PIGN: variants seen among roughly 807,000 people sequenced by gnomAD.
PIGN encodes phosphatidylinositol glycan anchor biosynthesis class N, also known as GPI ethanolamine phosphate transferase 1.
A neutral mutation model predicts 125.4 loss-of-function variants in PIGN; 117 were observed. The observed-to-expected ratio is 0.93, with a 90% CI of 0.80 to 1.09. The LOEUF is 1.09. Ranked by LOEUF, PIGN falls within the 50% of genes least tolerant of loss-of-function variation. The pLI is 0.00. For missense variants in PIGN, 1,075 were observed against 1,094.9 expected, an observed-to-expected ratio of 0.98 and a Z score of 0.26; for synonymous variants, 392 against 377.8, an observed-to-expected ratio of 1.04 and a Z score of -0.44.
intron 4 of PIGN, among the ~76,000 whole-genome samples, chr18:62,159,537 A>G (rs1461536444): frequency 1.3e-5 from 2 of 152,290 alleles, no homozygotes; most frequent in South Asian, 2.1e-4. Flanking sequence ...TTTGTTACAG[A>G]TTTTTGTGTA....
chr18:62,054,591 C>T (rs2031584603), intron 30 of PIGN, among the ~76,000 whole-genome samples: 1 of 148,298 alleles, frequency 6.7e-6, no homozygotes, highest in South Asian at 2.1e-4. Flanking sequence ...TCCCTGGGCT[C>T]AGGTGATCCT....
At chr18:62,115,940 TC>T (rs1334457745) in intron 14 of PIGN, among the ~76,000 whole-genome samples, 5 of 151,940 alleles carry the variant, frequency 3.3e-5, no homozygotes, top group African/African-American at 1.2e-4. Flanking sequence ...AAGCAAGACC[TC>T]ATTTCTACAA....
At chr18:62,117,183 C>T (rs1386333600) in intron 14 of PIGN, among the ~76,000 whole-genome samples, 2 of 152,088 alleles carry the variant, frequency 1.3e-5, no homozygotes, top group Non-Finnish European at 2.9e-5. Flanking sequence ...CTCTCATACA[C>T]TTGTCCCCAA....
chr18:62,113,916 A>G (rs1482793979), intron 15 of PIGN, among the ~76,000 whole-genome samples: 5 of 152,226 alleles, frequency 3.3e-5, no homozygotes, highest in African/African-American at 1.2e-4. Flanking sequence ...CAAAATTTCA[A>G]CATGAATCAT....
chr18:62,114,859 A>G (rs772952242), intron 14 of PIGN, among the ~76,000 whole-genome samples: 6 of 152,226 alleles, frequency 3.9e-5, no homozygotes, highest in Non-Finnish European at 8.8e-5. Context: ...TCAAATGCCA[A>G]ACTACACTTA....
At chr18:62,115,377 A>G (rs988025169) in intron 14 of PIGN, among the ~76,000 whole-genome samples, 1 of 152,250 alleles carries the variant, frequency 6.6e-6, no homozygotes. Flanking sequence ...AAATCTATAT[A>G]TTTAAATTCA....
Position 62,107,938 on chromosome 18 carries a change from C to G in PIGN, c.1575-853G>C, listed in dbSNP as rs537317924. On this transcript the variant is annotated intron_variant, in intron 17 of 30. Coordinates refer to ENST00000640252, the MANE Select transcript of PIGN (RefSeq NM_176787.5). ...TAACGGTAATCAAGTGAACTCATAA[C>G]CATCAAAAATGTATTACATACTTGA... Among the ~76,000 whole-genome samples the G allele has an allele frequency of 2.0e-5, 3 of 152,174 alleles. No individual in the cohort carries two copies. The South Asian group carries it at 6.2e-4, about 32-fold the overall frequency.
At chr18:62,151,993 T>A (rs191000889) in intron 7 of PIGN, among the ~76,000 whole-genome samples, 132 of 152,288 alleles carry the variant, frequency 8.7e-4, no homozygotes, top group Admixed American at 3.1e-3. Flanking sequence ...TGAGAATATT[T>A]GCTCAAGGTG....
chr18:62,169,478 T>A (rs1197629758), intron 1 of PIGN, among the ~76,000 whole-genome samples: 2 of 152,160 alleles, frequency 1.3e-5, no homozygotes, highest in South Asian at 2.1e-4. Flanking sequence ...TTATTATTTT[T>A]TTTTTGAAAC....
intron 10 of PIGN, among the ~76,000 whole-genome samples, chr18:62,145,211 C>T (rs1568226134): frequency 6.6e-6 from 1 of 152,190 alleles, no homozygotes. Context: ...CCACTAGCTT[C>T]TTTTTCTTTC....
intron 10 of PIGN, among the ~76,000 whole-genome samples, chr18:62,145,616 C>T (rs1440044139): frequency 6.6e-6 from 1 of 152,110 alleles, no homozygotes; most frequent in Non-Finnish European, 1.5e-5. Flanking sequence ...ATTTACTCTA[C>T]CTCACATTCA....
chr18:62,172,843 A>G (rs2037386699), intron 1 of PIGN, among the ~76,000 whole-genome samples: 2 of 152,328 alleles, frequency 1.3e-5, no homozygotes, highest in South Asian at 2.1e-4. Context: ...CTGTTACATA[A>G]TAAGAGTGGA....
chr18:62,084,878 C>T (rs542843064), intron 26 of PIGN, among the ~76,000 whole-genome samples: 5 of 152,272 alleles, frequency 3.3e-5, no homozygotes, highest in Admixed American at 6.5e-5. Context: ...CAGGCTGAGG[C>T]GGGTGGATCA....
At chr18:62,116,609 C>T (rs1161789807) in intron 14 of PIGN, among the ~76,000 whole-genome samples, 1 of 152,196 alleles carries the variant, frequency 6.6e-6, no homozygotes, top group Non-Finnish European at 1.5e-5. Flanking sequence ...ATCATTAGCA[C>T]TTCAGTTAGT....
chr18:62,037,221 G>A (rs544368046), downstream of PIGN, among the ~76,000 whole-genome samples: 2 of 152,322 alleles, frequency 1.3e-5, no homozygotes, highest in East Asian at 3.9e-4. Flanking sequence ...ACCCCTAAGG[G>A]AGTCTGGTGA....
chr18:62,127,179 G>T (rs952353227), intron 14 of PIGN, among the ~76,000 whole-genome samples: 12 of 152,108 alleles, frequency 7.9e-5, no homozygotes, highest in African/African-American at 2.9e-4. Context: ...AGATACAGGT[G>T]CTCCTCAACT....
intron 26 of PIGN, among the ~76,000 whole-genome samples, chr18:62,084,850 G>A (rs1289925860): frequency 1.3e-5 from 2 of 152,220 alleles, no homozygotes; most frequent in East Asian, 3.8e-4. Flanking sequence ...GCTCACGCCT[G>A]TAATCCCAGC....
intron 23 of PIGN, among the ~76,000 whole-genome samples, chr18:62,093,297 T>C (rs1162098617): frequency 2.0e-5 from 3 of 152,108 alleles, no homozygotes; most frequent in African/African-American, 7.2e-5. Context: ...AAAATGGAGA[T>C]GAATAAACCA....
chr18:62,146,642 G>A (rs1004767575), intron 9 of PIGN, among the ~76,000 whole-genome samples: 2 of 152,166 alleles, frequency 1.3e-5, no homozygotes, highest in African/African-American at 2.4e-5. Context: ...AGCAGCCCTC[G>A]GTCCCTCAGT....
Sources: gnomAD v4.1 joint callset for allele counts (sites outside exome capture counted in the v4.1 genomes callset) on GRCh38, gnomAD v4.1.1 for gene constraint, MANE v1.5 for transcripts, NCBI Gene and HGNC (gene_info 2026-07-23, HGNC 2026-07-21) for gene names.